Variants in NDUFA10 observed in about 807,000 individuals in gnomAD.
NDUFA10 encodes the protein NADH dehydrogenase [ubiquinone] 1 alpha subcomplex subunit 10, mitochondrial.
Under a neutral mutation model 47.8 loss-of-function variants are expected in NDUFA10, and 40 were observed. The ratio of observed to expected loss-of-function variants is 0.84; its 90% confidence interval spans 0.65 to 1.09. NDUFA10 has a LOEUF of 1.09. Ranked by LOEUF, NDUFA10 falls within the 50% of genes least tolerant of loss-of-function variation. The pLI is 0.00. For synonymous variants in NDUFA10, 183 were observed against 172.2 expected, an observed-to-expected ratio of 1.06 and a Z score of -0.49; for missense variants, 413 against 451.1, an observed-to-expected ratio of 0.92 and a Z score of 0.76.
chr2:239,981,325 A>G (rs965087294), intron 9 of NDUFA10, among the ~76,000 whole-genome samples: 2 of 152,218 alleles, frequency 1.3e-5, no homozygotes, highest in African/African-American at 2.4e-5. Flanking sequence ...AAAAGAAGCC[A>G]CCATGGGTGA....
chr2:239,919,587 G>T (rs560013657), intron 4 of NDUFA10, among the ~76,000 whole-genome samples: 1 of 152,302 alleles, frequency 6.6e-6, no homozygotes, highest in East Asian at 1.9e-4. Context: ...AACACCTGCA[G>T]TGCCCGCCAC....
intron 4 of NDUFA10, among the ~76,000 whole-genome samples, chr2:239,929,364 A>C (rs955579904): frequency 6.6e-6 from 1 of 152,178 alleles, no homozygotes; most frequent in Non-Finnish European, 1.5e-5. Context: ...GGGTCTCACG[A>C]GGCCATTTCT....
intron 4 of NDUFA10, among the ~76,000 whole-genome samples, chr2:239,944,819 C>A (rs1053543727): frequency 6.6e-6 from 1 of 152,154 alleles, no homozygotes; most frequent in Admixed American, 6.5e-5. Context: ...GTCCCCAGAG[C>A]CTTGGGGCCA....
intron 4 of NDUFA10, chr2:240,017,945 C>G: frequency 6.7e-7 from 1 of 1,494,878 alleles, no homozygotes; most frequent in Non-Finnish European, 9.1e-7. Context: ...GTCCACCAGG[C>G]CTATTCAACC....
rs557316507 is a variant in NDUFA10 at position 239,958,174 on chromosome 2, G to A, written c.*2944C>T. 2.6e-5 allele frequency: 4 copies of A among 152,120 alleles called. No homozygotes were observed. The highest frequency in any genetic ancestry group is 4.8e-5 in the African/African-American group (2 of 41,490). The allele number at this position is 152,120 out of a possible 1,614,324, so 9.4% of individuals were successfully genotyped here. On this transcript the variant is annotated 3_prime_UTR_variant, in exon 10 of 10. Coordinates refer to ENST00000252711, the MANE Select transcript of NDUFA10 (RefSeq NM_004544.4). ...TTTTCTTCAAAAAGCCCCAATTTCT[G>A]ACAGCCATGGCAGCTTTCCCTCCAC...
chr2:240,005,429 G>T, intron 7 of NDUFA10, 134 bp from the exon 8 acceptor site: 1 of 716,240 alleles, frequency 1.4e-6, no homozygotes, highest in Non-Finnish European at 2.5e-6. Context: ...GCACACTGCA[G>T]CCTTGGCCTG....
At chr2:239,951,877 G>A (rs111498991) in intron 4 of NDUFA10, among the ~76,000 whole-genome samples, 13 of 152,390 alleles carry the variant, frequency 8.5e-5, no homozygotes, top group African/African-American at 2.9e-4. Flanking sequence ...GGGAAGGACA[G>A]TGGGACCCAG....
intron 4 of NDUFA10, among the ~76,000 whole-genome samples, chr2:239,933,555 C>T (rs1694213668): frequency 6.6e-6 from 1 of 151,448 alleles, no homozygotes; most frequent in African/African-American, 2.4e-5. Context: ...CTCGCTCTGT[C>T]ACCCAGGCTG....
intron 9 of NDUFA10, among the ~76,000 whole-genome samples, chr2:239,985,486 AAAGAC>A (rs1695962269): frequency 6.6e-6 from 1 of 152,176 alleles, no homozygotes; most frequent in African/African-American, 2.4e-5. Flanking sequence ...AAAAAAAAAA[AAAGAC>A]AAGATATACA....
At chr2:239,941,796 C>T (rs1271645581) in intron 4 of NDUFA10, among the ~76,000 whole-genome samples, 1 of 151,892 alleles carries the variant, frequency 6.6e-6, no homozygotes, top group Non-Finnish European at 1.5e-5. Context: ...TTCAGAAAAA[C>T]CATCTACATC....
At chr2:239,993,863 G>C (rs546377093) in intron 8 of NDUFA10, among the ~76,000 whole-genome samples, 33 of 152,176 alleles carry the variant, frequency 2.2e-4, no homozygotes, top group African/African-American at 7.9e-4. Context: ...GGAGTCAAAG[G>C]TTCCACCAGG....
intron 5 of NDUFA10, 138 bp downstream of exon 5, chr2:240,014,601 T>G: frequency 7.2e-7 from 1 of 1,381,360 alleles, no homozygotes. Context: ...ATGCCCTCTC[T>G]CAAGTGGGAA....
chr2:239,969,059 ATC>A (rs1695205481), intron 9 of NDUFA10, among the ~76,000 whole-genome samples: 2 of 152,242 alleles, frequency 1.3e-5, no homozygotes, highest in South Asian at 4.1e-4. Flanking sequence ...ATAGAACAAG[ATC>A]TAGCACTCAA....
intron 8 of NDUFA10, among the ~76,000 whole-genome samples, chr2:240,001,211 T>C (rs1425525548): frequency 1.3e-5 from 2 of 152,314 alleles, no homozygotes; most frequent in Admixed American, 6.5e-5. Flanking sequence ...AAAGCGTGAA[T>C]TGAGGATAAT....
At chr2:240,002,367 G>C (rs898982919) in intron 8 of NDUFA10, among the ~76,000 whole-genome samples, 2 of 145,352 alleles carry the variant, frequency 1.4e-5, no homozygotes, top group African/African-American at 5.1e-5. Context: ...GACAAGGAAA[G>C]CGGGTTTTGT....
chr2:239,964,740 G>A (rs1200022434), intron 9 of NDUFA10, among the ~76,000 whole-genome samples: 3 of 152,196 alleles, frequency 2.0e-5, no homozygotes, highest in Non-Finnish European at 4.4e-5. Flanking sequence ...ACTCAAACAC[G>A]ACTGCCGCAG....
In NDUFA10 at chr2:239,960,746, G is replaced by A. The variant is rs143693330; in HGVS notation, c.*372C>T. 4,795 of 1,197,292 alleles carry A rather than the reference G, an allele frequency of 4.0e-3. 15 individuals carry two copies. Among genetic ancestry groups the A allele is most frequent in the Non-Finnish European group, 4.7e-3 (4,507 of 948,906 alleles). The allele number at this position is 1,197,292 out of a possible 1,614,324, so 74.2% of individuals were successfully genotyped here. ...AGACGTACGATGGGGAAATTCCCAT[G>A]GAAACACTTTTATTTCTGGAAGTCA... On this transcript the variant is annotated 3_prime_UTR_variant, in exon 10 of 10. Coordinates refer to ENST00000252711, the MANE Select transcript of NDUFA10 (RefSeq NM_004544.4).
chr2:239,966,515 C>T (rs1266518011), intron 9 of NDUFA10, among the ~76,000 whole-genome samples: 2 of 152,190 alleles, frequency 1.3e-5, no homozygotes, highest in Non-Finnish European at 2.9e-5. Flanking sequence ...GACTTGTTCC[C>T]ACCCGTGCAT....
chr2:239,910,481 C>T (rs1435876694), intron 4 of NDUFA10, among the ~76,000 whole-genome samples: 1 of 152,162 alleles, frequency 6.6e-6, no homozygotes, highest in African/African-American at 2.4e-5. Flanking sequence ...AAACCAAACA[C>T]CACAGGTTCT....
Sources: gnomAD v4.1 joint callset for allele counts (sites outside exome capture counted in the v4.1 genomes callset) on GRCh38, gnomAD v4.1.1 for gene constraint, MANE v1.5 for transcripts, NCBI Gene and HGNC (gene_info 2026-07-23, HGNC 2026-07-21) for gene names.